CENPE: variants seen among roughly 807,000 people sequenced by gnomAD.
The protein encoded by CENPE is centromere-associated protein E.
CENPE carries 145 observed loss-of-function variants against 336.1 expected under a neutral mutation model. That is an observed-to-expected ratio of 0.43 (90% CI 0.38 to 0.50). The LOEUF (loss-of-function observed/expected upper bound fraction) is 0.50. Ranked by LOEUF, CENPE falls within the 20% of genes least tolerant of loss-of-function variation. The pLI is 0.00. For synonymous variants in CENPE, 1,013 were observed against 984.8 expected, an observed-to-expected ratio of 1.03 and a Z score of -0.54; for missense variants, 2,719 against 3,023.3, an observed-to-expected ratio of 0.90 and a Z score of 2.36.
chr4:103,113,159 T>C (rs1749707845), intron 46 of CENPE, among the ~76,000 whole-genome samples: 1 of 135,078 alleles, frequency 7.4e-6, no homozygotes, highest in Non-Finnish European at 1.6e-5. Flanking sequence ...TAAGTGTATA[T>C]ATACTTATAA....
chr4:103,149,255 A>G lies in CENPE; in HGVS notation c.3550T>C (p.Leu1184=). 5 of 1,612,980 alleles carry G rather than the reference A, an allele frequency of 3.1e-6. No homozygotes were observed. The highest frequency in any genetic ancestry group is 4.2e-6 in the Non-Finnish European group (5 of 1,179,810). ...TAATTTTCATTAAGTTTCTGAGCCA[A>G]CTCAAGCCTCTCTGTTTCCATATGT... The part of the protein sequence containing the change: ...LEHMETERLE[L]AQKLNENYEE... The change falls in exon 27 of 49, where the codon TTG becomes CTG. Residue 1184 remains leucine (L), a synonymous_variant. Transcript: ENST00000265148.
chr4:103,180,275 G>C (rs1221307105), intron 13 of CENPE, 36 bp downstream of exon 13: 1 of 1,580,420 alleles, frequency 6.3e-7, no homozygotes, highest in East Asian at 2.2e-5. Context: ...TCTATTCTCT[G>C]TACATCAAGT....
At chr4:103,130,261 T>A (rs1487893350) in intron 42 of CENPE, among the ~76,000 whole-genome samples, 16 of 152,152 alleles carry the variant, frequency 1.1e-4, no homozygotes, top group African/African-American at 2.9e-4. Context: ...ATCATCTACA[T>A]AGAAAATCTG....
At chr4:103,189,253 T>C (rs1189717474) in intron 8 of CENPE, among the ~76,000 whole-genome samples, 1 of 152,154 alleles carries the variant, frequency 6.6e-6, no homozygotes, top group African/African-American at 2.4e-5. Flanking sequence ...ACTATTCTAA[T>C]CAATACAAAA....
Position 103,151,256 on chromosome 4 carries a change from T to C in CENPE, c.3359A>G (p.Asp1120Gly). 1 of 1,604,314 alleles carries C rather than the reference T, an allele frequency of 6.2e-7. No homozygotes were observed. The highest frequency in any genetic ancestry group is 8.5e-7 in the Non-Finnish European group (1 of 1,177,920). Reference sequence around the variant, plus strand: ...TTTTTCTTCAACTTCTGCCAGTCTGTCACAGGTCCTAGAAAGCTCTCCTTC... The same window carrying C: ...TTTTTCTTCAACTTCTGCCAGTCTGCCACAGGTCCTAGAAAGCTCTCCTTC... ...KKEGELSRTC[D>G]RLAEVEEKLK... Residue 1120 changes from aspartate (D) to glycine (G), a missense_variant, in exon 26 of 49, where the codon GAC (aspartate) becomes GGC (glycine). Physicochemically the swap from Asp to Gly is moderately conservative, Grantham distance 94. Coordinates refer to ENST00000265148, the MANE Select transcript of CENPE (RefSeq NM_001813.3).
rs1263541217 is a variant in CENPE at position 103,163,265 on chromosome 4, A to G, written c.1723-9T>C. 1 of 1,600,458 alleles carries G rather than the reference A, an allele frequency of 6.2e-7. No homozygotes were observed. Among genetic ancestry groups the G allele is most frequent in the East Asian group, 2.2e-5 (1 of 44,614 alleles). Reference sequence around the variant, plus strand: ...TTTGAACTGAGTTCATTCTAAAAGAATCAAAGGAGAGAGTAACAATTTAGA... The same window carrying G: ...TTTGAACTGAGTTCATTCTAAAAGAGTCAAAGGAGAGAGTAACAATTTAGA... On this transcript the variant is annotated splice_polypyrimidine_tract_variant and intron_variant, in intron 17 of 48. Coordinates refer to ENST00000265148, the MANE Select transcript of CENPE (RefSeq NM_001813.3).
chr4:103,119,332 T>A (rs1380268636), intron 44 of CENPE, among the ~76,000 whole-genome samples: 2 of 152,230 alleles, frequency 1.3e-5, no homozygotes, highest in Non-Finnish European at 2.9e-5. Context: ...CAGCAAATAT[T>A]TGTTGAATGA....
intron 9 of CENPE, among the ~76,000 whole-genome samples, chr4:103,184,691 A>T (rs979834325): frequency 6.6e-6 from 1 of 152,146 alleles, no homozygotes; most frequent in Admixed American, 6.5e-5. Context: ...CACTGGGCTG[A>T]CAATTCACAC....
In CENPE at chr4:103,159,104, A is replaced by C. The variant is rs1283430889; in HGVS notation, c.2507T>G (p.Val836Gly). Residue 836 changes from valine to glycine, a missense_variant, in exon 22 of 49, where the codon GTC becomes GGC. By Grantham distance (109) the Val-to-Gly change is moderately radical. Around this residue, in one of 5 missense-constraint regions of CENPE, gnomAD observed 2,437 missense variants for 2,513.3 expected, o/e 0.97. Transcript: ENST00000265148. ...ATTCATTCTCTCATTCTCCTCAAGGACCATCTTATACTTTTGCTCAAAGTC... is the reference window on the plus strand; with the variant it reads ...ATTCATTCTCTCATTCTCCTCAAGGCCCATCTTATACTTTTGCTCAAAGTC... The part of the protein sequence containing the change: ...HMDFEQKYKM[V>G]LEENERMNQE... 1.9e-6 allele frequency: 3 copies of C among 1,594,580 alleles called. No individual in the cohort carries two copies. The highest frequency in any genetic ancestry group is 1.4e-5 in the African/African-American group (1 of 73,524).
At chr4:103,110,790 C>G in intron 47 of CENPE, 38 bp downstream of exon 47, 1 of 1,477,312 alleles carries the variant, frequency 6.8e-7, no homozygotes, top group East Asian at 2.3e-5. Context: ...ATGTAATAGC[C>G]GTAAGCATAA....
intron 16 of CENPE, among the ~76,000 whole-genome samples, chr4:103,171,772 C>T (rs573969501): frequency 2.7e-4 from 41 of 149,524 alleles, no homozygotes; most frequent in Non-Finnish European, 2.1e-4. Context: ...AAAAGACAGT[C>T]GACTCAAATA....
chr4:103,123,762 T>C (rs941069365), intron 42 of CENPE, among the ~76,000 whole-genome samples: 5 of 152,192 alleles, frequency 3.3e-5, no homozygotes, highest in Admixed American at 2.0e-4. Context: ...CCAGCAAGCA[T>C]TGAGCATCTA....
intron 24 of CENPE, among the ~76,000 whole-genome samples, chr4:103,154,399 T>C (rs2125953773): frequency 6.6e-6 from 1 of 152,304 alleles, no homozygotes; most frequent in Admixed American, 6.5e-5. Context: ...TCACATGTTG[T>C]TATGTAACCT....
chr4:103,115,752 A>G (rs2125850619), intron 45 of CENPE, among the ~76,000 whole-genome samples: 1 of 140,656 alleles, frequency 7.1e-6, no homozygotes, highest in South Asian at 2.2e-4. Flanking sequence ...TTTTTTTGAG[A>G]TGGAGTCTCA....
At chr4:103,137,836 C>T (rs1206411583) in intron 39 of CENPE, among the ~76,000 whole-genome samples, 1 of 152,150 alleles carries the variant, frequency 6.6e-6, no homozygotes, top group Non-Finnish European at 1.5e-5. Flanking sequence ...AATTAAGAGT[C>T]ATCCCTTTAA....
intron 16 of CENPE, among the ~76,000 whole-genome samples, chr4:103,168,748 A>G (rs902651974): frequency 6.6e-6 from 1 of 152,198 alleles, no homozygotes; most frequent in African/African-American, 2.4e-5. Context: ...TGGAATAAGA[A>G]CAGCTCTGCC....
intron 3 of CENPE, 58 bp downstream of exon 3, chr4:103,196,105 G>T: frequency 6.3e-7 from 1 of 1,579,820 alleles, no homozygotes; most frequent in Non-Finnish European, 8.7e-7. Flanking sequence ...AACTATGCAT[G>T]CTTGTTGCAC....
intron 24 of CENPE, among the ~76,000 whole-genome samples, chr4:103,156,589 T>C (rs1753975954): frequency 1.3e-5 from 2 of 151,954 alleles, no homozygotes; most frequent in African/African-American, 4.8e-5. Context: ...GCAAAATGGA[T>C]TACAGGCCTA....
At chr4:103,127,480 T>C (rs1042129764) in intron 42 of CENPE, among the ~76,000 whole-genome samples, 3 of 151,890 alleles carry the variant, frequency 2.0e-5, no homozygotes, top group Admixed American at 6.6e-5. Context: ...GAAAATGATA[T>C]AGCCAGAAAC....
Sources: gnomAD v4.1 joint callset for allele counts (sites outside exome capture counted in the v4.1 genomes callset) on GRCh38, gnomAD v4.1.1 for gene constraint, gnomAD v4.1.1 regional missense constraint, MANE v1.5 for transcripts, NCBI Gene and HGNC (gene_info 2026-07-23, HGNC 2026-07-21) for gene names.